The following TSPAN9 variants were observed in gnomAD, a reference collection of about 807,000 sequenced individuals.
TSPAN9 encodes tetraspanin-9.
TSPAN9 carries 16 observed loss-of-function variants against 31.0 expected under a neutral mutation model. The ratio of observed to expected loss-of-function variants is 0.52; its 90% confidence interval spans 0.35 to 0.78. The LOEUF (loss-of-function observed/expected upper bound fraction) is 0.78, where lower values mean the gene tolerates loss of function less well. Among genes scored for constraint, TSPAN9 ranks in the 30% least tolerant of loss-of-function variants. TSPAN9 has a pLI of 0.01. For missense variants in TSPAN9, 272 were observed against 312.5 expected (o/e 0.87, Z 0.98); for synonymous variants, 145 against 121.6 (o/e 1.19, Z -1.27).
intron 7 of TSPAN9, 95 bp from the exon 8 acceptor site, chr12:3,281,639 G>C: frequency 1.4e-6 from 2 of 1,409,498 alleles, no homozygotes; most frequent in Non-Finnish European, 1.9e-6. Flanking sequence ...AGGTAAGAGC[G>C]AGGACGAGGT....
At chr12:3,278,669 C>T in intron 4 of TSPAN9, 57 bp downstream of exon 4, 1 of 1,575,618 alleles carries the variant, frequency 6.3e-7, no homozygotes, top group Admixed American at 1.8e-5. Context: ...GCACTTGGAC[C>T]CCTGGGACAG....
chr12:3,238,180 G>A (rs537707703), intron 3 of TSPAN9, among the ~76,000 whole-genome samples: 3 of 152,268 alleles, frequency 2.0e-5, no homozygotes, highest in South Asian at 2.1e-4. Flanking sequence ...TAACAGTACC[G>A]AGGGTCAGAG....
chr12:3,222,531 G>T (rs1168538726), intron 3 of TSPAN9, among the ~76,000 whole-genome samples: 1 of 152,216 alleles, frequency 6.6e-6, no homozygotes, highest in Non-Finnish European at 1.5e-5. Flanking sequence ...CAGGGGTCTT[G>T]GCTCTCAGCC....
chr12:3,259,339 T>A (rs978045223), intron 3 of TSPAN9, among the ~76,000 whole-genome samples: 1 of 152,226 alleles, frequency 6.6e-6, no homozygotes, highest in African/African-American at 2.4e-5. Flanking sequence ...GCTCTAGAAC[T>A]TTATTCATCA....
At chr12:3,186,482 C>A (rs906742515) in intron 2 of TSPAN9, among the ~76,000 whole-genome samples, 26 of 152,042 alleles carry the variant, frequency 1.7e-4, no homozygotes, top group African/African-American at 6.3e-4. Context: ...TGTAAAGTCT[C>A]CAATGTAAGA....
At chr12:3,210,110 G>A (rs1244516133) in intron 3 of TSPAN9, among the ~76,000 whole-genome samples, 1 of 149,758 alleles carries the variant, frequency 6.7e-6, no homozygotes, top group Non-Finnish European at 1.5e-5. Context: ...CTCCAGCCTG[G>A]GCAACAGAGC....
intron 3 of TSPAN9, among the ~76,000 whole-genome samples, chr12:3,214,959 C>A (rs2098380608): frequency 6.6e-6 from 1 of 152,054 alleles, no homozygotes; most frequent in East Asian, 1.9e-4. Flanking sequence ...CCGGCTCTAC[C>A]CTGTTCACTG....
intron 3 of TSPAN9, among the ~76,000 whole-genome samples, chr12:3,255,404 G>A (rs1399174175): frequency 6.6e-6 from 1 of 152,224 alleles, no homozygotes. Context: ...AATGGGAGCA[G>A]CGATCAGGGC....
intron 2 of TSPAN9, among the ~76,000 whole-genome samples, chr12:3,115,254 A>G (rs2098321638): frequency 6.6e-6 from 1 of 152,224 alleles, no homozygotes; most frequent in Admixed American, 6.5e-5. Flanking sequence ...ACGTGTCAGA[A>G]TTCCATTCCT....
intron 2 of TSPAN9, among the ~76,000 whole-genome samples, chr12:3,150,813 C>T (rs2098339384): frequency 1.3e-5 from 2 of 152,278 alleles, no homozygotes; most frequent in South Asian, 4.2e-4. Context: ...GGGGAGCCCT[C>T]CCCTGTCCTG....
intron 2 of TSPAN9, among the ~76,000 whole-genome samples, chr12:3,157,225 G>A (rs1249833689): frequency 6.6e-6 from 1 of 151,288 alleles, no homozygotes; most frequent in African/African-American, 2.4e-5. Context: ...TCAGCCTCCC[G>A]AGTAGCTGGG....
At chr12:3,279,694 G>A (rs1484956682) in intron 5 of TSPAN9, among the ~76,000 whole-genome samples, 1 of 152,228 alleles carries the variant, frequency 6.6e-6, no homozygotes, top group Non-Finnish European at 1.5e-5. Context: ...CCAGAACTGT[G>A]TAAGGAGCAG....
At chr12:3,091,926 G>A (rs968934327) in intron 2 of TSPAN9, among the ~76,000 whole-genome samples, 2 of 152,196 alleles carry the variant, frequency 1.3e-5, no homozygotes, top group Non-Finnish European at 1.5e-5. Context: ...GCCTCTGGGT[G>A]ACTTGGGGGT....
intron 1 of TSPAN9, among the ~76,000 whole-genome samples, chr12:3,081,844 G>GTGTGTGTGTGTGTATATATATA (rs57812985): frequency 8.6e-6 from 1 of 116,738 alleles, no homozygotes; most frequent in Non-Finnish European, 1.7e-5. Flanking sequence ...GTCTGTGTGT[G>GTGTGTGTGTGTGTATATATATA]TATATATATG....
intron 3 of TSPAN9, among the ~76,000 whole-genome samples, chr12:3,269,419 C>T (rs1862624689): frequency 8.2e-6 from 1 of 122,216 alleles, no homozygotes; most frequent in Non-Finnish European, 1.7e-5. Context: ...TCCCTGTGTT[C>T]CTGCAGCCTG....
At chr12:3,252,294 G>A (rs930621198) in intron 3 of TSPAN9, among the ~76,000 whole-genome samples, 3 of 152,210 alleles carry the variant, frequency 2.0e-5, no homozygotes, top group African/African-American at 7.2e-5. Flanking sequence ...GCCAGGCTTC[G>A]TGGAGCAGGT....
chr12:3,226,765 TATATATATATATATATA>T (rs2098387801), intron 3 of TSPAN9, among the ~76,000 whole-genome samples: 6 of 3,432 alleles, frequency 1.7e-3, no homozygotes, highest in Non-Finnish European at 4.4e-3. Flanking sequence ...TATATATATA[TATATATATATATATATA>T]TATATATATA....
At chr12:3,104,973 C>T (rs763172139) in intron 2 of TSPAN9, among the ~76,000 whole-genome samples, 69 of 152,190 alleles carry the variant, frequency 4.5e-4, no homozygotes, top group Non-Finnish European at 1.2e-4. Flanking sequence ...TTTGGCTGCT[C>T]TCAGGCGTTC....
intron 2 of TSPAN9, among the ~76,000 whole-genome samples, chr12:3,133,471 C>T (rs1385093526): frequency 2.6e-5 from 4 of 152,154 alleles, no homozygotes; most frequent in Non-Finnish European, 5.9e-5. Flanking sequence ...CTCCCAGCCC[C>T]AGGGACCCTC....
Sources: gnomAD v4.1 joint callset for allele counts (sites outside exome capture counted in the v4.1 genomes callset) on GRCh38, gnomAD v4.1.1 for gene constraint, MANE v1.5 for transcripts, NCBI Gene and HGNC (gene_info 2026-07-23, HGNC 2026-07-21) for gene names.